The following FLNB variants were observed in gnomAD, a reference collection of about 807,000 sequenced individuals.
The protein encoded by FLNB is filamin B.
A neutral mutation model predicts 250.6 loss-of-function variants in FLNB; 111 were observed. That is an observed-to-expected ratio of 0.44 (90% confidence interval 0.38 to 0.52). The LOEUF is 0.52. FLNB is among the 20% of genes least tolerant of loss of function. The pLI is 0.00. For missense variants in FLNB, 2,869 were observed against 3,447.8 expected, an observed-to-expected ratio of 0.83 and a Z score of 4.20; for synonymous variants, 1,302 against 1,372.1, an observed-to-expected ratio of 0.95 and a Z score of 1.13.
At chr3:58,104,674 G>GT (rs2107096682) in intron 10 of FLNB, among the ~76,000 whole-genome samples, 1 of 152,204 alleles carries the variant, frequency 6.6e-6, no homozygotes, top group Admixed American at 6.5e-5. Context: ...CCATGCCAAG[G>GT]TTACAGCACA....
chr3:58,027,579 G>C (rs1350369188), intron 1 of FLNB, among the ~76,000 whole-genome samples: 25 of 152,146 alleles, frequency 1.6e-4, no homozygotes, highest in Admixed American at 1.6e-3. Context: ...ACCGCGCCTG[G>C]CCCAGACCCT....
At position 58,169,462 on chromosome 3, in the gene FLNB, G is replaced by A. The variant is rs576190180; in HGVS notation, c.7418-128G>A. The A allele has an allele frequency of 2.4e-5, 18 of 759,128 alleles. No individual in the cohort carries two copies. The highest frequency in any genetic ancestry group is 2.0e-4 in the African/African-American group (12 of 59,030). The allele number at this position is 759,128 out of a possible 1,614,324, so 47.0% of individuals were successfully genotyped here. A position where few individuals can be genotyped will look rare whatever the true frequency, so the allele number is the denominator to read the frequency against. ...CATTATGGGTGTGAGATACAGGTGT[G>A]GTGGCTTTTGTGTTGGGGTGCGCGG... On this transcript the variant is annotated intron_variant, in intron 44 of 45. Transcript: ENST00000295956. This position sits in a 1 kb window ranked among gnomAD's most constrained non-coding sequence, Gnocchi z 4.8.
At chr3:58,070,265 G>C (rs911091947) in intron 1 of FLNB, among the ~76,000 whole-genome samples, 7 of 151,884 alleles carry the variant, frequency 4.6e-5, no homozygotes, top group Non-Finnish European at 8.8e-5. Flanking sequence ...GGCTGGTCTC[G>C]AACTCCTGAC....
In FLNB at chr3:58,121,358, C is replaced by T. The variant is rs771326964; in HGVS notation, c.2981C>T (p.Thr994Ile). 1.2e-6 allele frequency: 2 copies of T among 1,614,036 alleles called. No homozygotes were observed. Among genetic ancestry groups the T allele is most frequent in the Admixed American group, 1.7e-5 (1 of 60,000 alleles). Residue 994 changes from threonine to isoleucine, a missense_variant, in exon 20 of 46, where the codon ACA becomes ATA. Around this residue, in one of 5 missense-constraint regions of FLNB, gnomAD observed 1,348 missense variants for 1,466.7 expected, o/e 0.92. Coordinates refer to ENST00000295956, the MANE Select transcript of FLNB (RefSeq NM_001457.4). ...PSRKVVPCLV[T>I]PVTGRENSTA... The stretch of plus-strand genomic sequence containing the variant: ...CGGAAGGTCGTGCCATGCCTAGTGA[C>T]ACCTGTGACAGGCCGGGAGAACAGC...
In FLNB at chr3:58,142,261, G is replaced by C. The variant is rs967798870; in HGVS notation, c.5181+332G>C. Among the ~76,000 whole-genome samples the C allele has an allele frequency of 2.6e-5, 4 of 152,210 alleles. No homozygotes were observed. The highest frequency in any genetic ancestry group is 5.9e-5 in the Non-Finnish European group (4 of 68,042). The stretch of plus-strand genomic sequence containing the variant: ...CACTTGCACATTCAGTTTCTGTTCA[G>C]GGGGAAAGCCACCCACTGCTACTCT... On this transcript the variant is annotated intron_variant, in intron 30 of 45. Coordinates refer to ENST00000295956, the MANE Select transcript of FLNB (RefSeq NM_001457.4). The surrounding 1 kb of genome is among the most constrained non-coding windows in gnomAD (Gnocchi z 4.3).
At chr3:58,134,269 C>T (rs975352570) in intron 26 of FLNB, among the ~76,000 whole-genome samples, 2 of 152,186 alleles carry the variant, frequency 1.3e-5, no homozygotes, top group Admixed American at 6.5e-5. Flanking sequence ...ATTGCACACT[C>T]CTTGTGAGAA....
intron 45 of FLNB, 146 bp from the exon 46 acceptor site, chr3:58,170,429 C>G (rs2097380347): frequency 2.7e-6 from 2 of 728,632 alleles, no homozygotes; most frequent in Non-Finnish European, 4.8e-6. Context: ...GCTCTATGAG[C>G]CTCTGCTTGT....
chr3:58,143,983 A>G (rs552238673), intron 32 of FLNB, among the ~76,000 whole-genome samples: 1 of 152,114 alleles, frequency 6.6e-6, no homozygotes, highest in African/African-American at 2.4e-5. Context: ...TCAGAGGTGG[A>G]AGAAGAGGAC....
intron 4 of FLNB, among the ~76,000 whole-genome samples, chr3:58,089,119 G>A (rs6780370): frequency 0.3 from 44,232 of 149,658 alleles, 6,734 homozygotes; most frequent in Middle Eastern, 0.39. Context: ...AAAAAAAAAA[G>A]AAATCACTTG....
intron 12 of FLNB, among the ~76,000 whole-genome samples, chr3:58,108,135 A>G (rs1023348934): frequency 2.6e-5 from 4 of 152,186 alleles, no homozygotes; most frequent in African/African-American, 9.7e-5. Flanking sequence ...CAAAAAAAAA[A>G]TTGCAAAAAA....
chr3:58,130,587 G>A lies in FLNB; in HGVS notation c.4223-154G>A, dbSNP rs1559716282. 5.3e-5 allele frequency among the ~76,000 whole-genome samples: 8 copies of A among 152,302 alleles called. No individual in the cohort carries two copies. The South Asian group carries it at 1.7e-3, about 32-fold the overall frequency. ...CTGTGAGAATGGTTGACAACAATGA[G>A]TAGGCACATGAGCAGTGCACACAGT... On this transcript the variant is annotated intron_variant, in intron 24 of 45. Transcript: ENST00000295956.
chr3:58,152,236 C>G (rs1434370997), intron 38 of FLNB, among the ~76,000 whole-genome samples: 3 of 152,202 alleles, frequency 2.0e-5, no homozygotes, highest in Non-Finnish European at 4.4e-5. Context: ...TCCCCTCCTC[C>G]TTAATGGAGG....
intron 1 of FLNB, among the ~76,000 whole-genome samples, chr3:58,065,927 C>T (rs780398636): frequency 3.9e-5 from 6 of 152,134 alleles, no homozygotes; most frequent in African/African-American, 1.4e-4. Flanking sequence ...AAGCTGTGAG[C>T]GAGACACAGA....
intron 4 of FLNB, among the ~76,000 whole-genome samples, chr3:58,086,724 G>A (rs3914955): frequency 0.44 from 67,564 of 152,016 alleles, 16,795 homozygotes; most frequent in East Asian, 0.92. Context: ...AAAGGAAGTG[G>A]TGGAGAGACA....
intron 1 of FLNB, among the ~76,000 whole-genome samples, chr3:58,070,530 G>C (rs532890086): frequency 6.6e-6 from 1 of 152,112 alleles, no homozygotes. Context: ...TAGCCTCTCC[G>C]GGTGGTAGAG....
In FLNB at chr3:58,123,290, C is replaced by G. The variant is rs765742353; in HGVS notation, c.3324C>G (p.Phe1108Leu). Residue 1108 changes from phenylalanine to leucine, a missense_variant, in exon 21 of 46, where the codon TTC (phenylalanine) becomes TTG (leucine). Phe to Leu is a conservative substitution (Grantham distance 22). Around this residue, in one of 5 missense-constraint regions of FLNB, gnomAD observed 1,348 missense variants for 1,466.7 expected, o/e 0.92. Coordinates refer to ENST00000295956, the MANE Select transcript of FLNB (RefSeq NM_001457.4). ...TTCCCACAAAACCCGGGGAGTACTT[C>G]GTCAACATCCTCTTTGAAGAAGTCC... ...SYLPTKPGEYFVNILFEEVHI... is the reference protein window; with the variant it reads ...SYLPTKPGEYLVNILFEEVHI... 6.2e-7 allele frequency: 1 copy of G among 1,614,164 alleles called. No individual in the cohort carries two copies. The highest frequency in any genetic ancestry group is 2.2e-5 in the East Asian group (1 of 44,872).
intron 1 of FLNB, among the ~76,000 whole-genome samples, chr3:58,062,021 G>A (rs1305961472): frequency 6.6e-6 from 1 of 151,992 alleles, no homozygotes; most frequent in Non-Finnish European, 1.5e-5. Context: ...AACCTGGGAG[G>A]CGGAGGTTGC....
intron 26 of FLNB, among the ~76,000 whole-genome samples, chr3:58,133,969 G>A (rs2097312025): frequency 6.6e-6 from 1 of 152,062 alleles, no homozygotes; most frequent in Non-Finnish European, 1.5e-5. Flanking sequence ...TTTCCATTTG[G>A]TGACCATGAT....
At chr3:58,077,733 A>G (rs2097203664) in intron 2 of FLNB, among the ~76,000 whole-genome samples, 1 of 152,178 alleles carries the variant, frequency 6.6e-6, no homozygotes, top group African/African-American at 2.4e-5. Flanking sequence ...GTTTGACTAT[A>G]TATGGCATTC....
Sources: gnomAD v4.1 joint callset for allele counts (sites outside exome capture counted in the v4.1 genomes callset) on GRCh38, gnomAD v4.1.1 for gene constraint, gnomAD v4.1.1 regional missense constraint, Gnocchi (gnomAD v3.1) non-coding constraint, MANE v1.5 for transcripts, NCBI Gene and HGNC (gene_info 2026-07-23, HGNC 2026-07-21) for gene names.